The following NKAIN1 variants were observed in gnomAD, a reference collection of about 807,000 sequenced individuals.
NKAIN1 encodes the protein sodium/potassium transporting ATPase interacting 1, also known as sodium/potassium-transporting ATPase subunit beta-1-interacting protein 1.
A neutral mutation model predicts 31.6 loss-of-function variants in NKAIN1; 13 were observed. That is an observed-to-expected ratio of 0.41 (90% CI 0.27 to 0.65). NKAIN1 has a LOEUF of 0.65. NKAIN1 is among the 30% of genes least tolerant of loss of function. The probability of loss-of-function intolerance (pLI) is 0.30; values close to 1 mark genes in which losing one functional copy is unlikely to be tolerated. For missense variants in NKAIN1, 193 were observed against 262.2 expected, an observed-to-expected ratio of 0.74 and a Z score of 1.82; for synonymous variants, 104 against 109.0, an observed-to-expected ratio of 0.95 and a Z score of 0.28.
At chr1:31,235,109 T>C (rs1411487936) in intron 1 of NKAIN1, among the ~76,000 whole-genome samples, 1 of 152,128 alleles carries the variant, frequency 6.6e-6, no homozygotes, top group African/African-American at 2.4e-5. Context: ...AGGTAATGCA[T>C]ATAAAGTGCT....
At chr1:31,197,428 A>G (rs1202888861) in intron 1 of NKAIN1, among the ~76,000 whole-genome samples, 1 of 151,022 alleles carries the variant, frequency 6.6e-6, no homozygotes, top group East Asian at 1.9e-4. Flanking sequence ...TTGTATTTTT[A>G]GTAGAGATGG....
intron 1 of NKAIN1, among the ~76,000 whole-genome samples, chr1:31,219,187 A>C (rs1241516895): frequency 6.6e-6 from 1 of 152,224 alleles, no homozygotes; most frequent in Non-Finnish European, 1.5e-5. Context: ...GTGAATTTCA[A>C]TTCCTCTGAC....
At chr1:31,187,565 C>T (rs1048285356) in intron 2 of NKAIN1, among the ~76,000 whole-genome samples, 4 of 152,182 alleles carry the variant, frequency 2.6e-5, no homozygotes, top group East Asian at 1.9e-4. Context: ...TGTGTCCTTG[C>T]GCCCACCCCT....
intron 1 of NKAIN1, among the ~76,000 whole-genome samples, chr1:31,227,646 C>A (rs1645617875): frequency 6.6e-6 from 1 of 151,942 alleles, no homozygotes; most frequent in Non-Finnish European, 1.5e-5. Context: ...CAAGGACTTG[C>A]CCAACCAAGG....
chr1:31,186,380 C>T (rs1439371407), intron 2 of NKAIN1, among the ~76,000 whole-genome samples: 3 of 132,270 alleles, frequency 2.3e-5, no homozygotes, highest in Admixed American at 7.7e-5. Context: ...AAAAAAAAGT[C>T]TTAATTCTTT....
intron 1 of NKAIN1, among the ~76,000 whole-genome samples, chr1:31,189,756 C>T (rs752608182): frequency 1.5e-4 from 23 of 152,212 alleles, no homozygotes; most frequent in Non-Finnish European, 2.4e-4. Context: ...TAGGGATAGG[C>T]GCTCACCCCA....
intron 1 of NKAIN1, among the ~76,000 whole-genome samples, chr1:31,208,345 C>T (rs902002877): frequency 1.3e-5 from 2 of 152,002 alleles, no homozygotes; most frequent in Admixed American, 6.6e-5. Flanking sequence ...TTTCTTCCAC[C>T]CCCCGCTTAT....
At chr1:31,227,859 C>G (rs1645619601) in intron 1 of NKAIN1, among the ~76,000 whole-genome samples, 1 of 152,206 alleles carries the variant, frequency 6.6e-6, no homozygotes, top group African/African-American at 2.4e-5. Context: ...CCTGTCCTCC[C>G]TGGTGGCTCC....
chr1:31,195,148 C>T (rs1339417403), intron 1 of NKAIN1, among the ~76,000 whole-genome samples: 1 of 126,994 alleles, frequency 7.9e-6, no homozygotes, highest in Non-Finnish European at 1.6e-5. Flanking sequence ...TTTTGAGTCT[C>T]GCTCTGTTGC....
chr1:31,230,884 T>C, intron 1 of NKAIN1, among the ~76,000 whole-genome samples: 1 of 146,580 alleles, frequency 6.8e-6, no homozygotes, highest in East Asian at 2.0e-4. Context: ...GGTTATTTTT[T>C]TTTTTTTTTT....
At chr1:31,193,360 G>A (rs372875129) in intron 1 of NKAIN1, among the ~76,000 whole-genome samples, 4 of 151,716 alleles carry the variant, frequency 2.6e-5, no homozygotes, top group Non-Finnish European at 4.4e-5. Flanking sequence ...GAGCCACCGC[G>A]CCCGGCAACA....
At chr1:31,199,630 C>T (rs908077600) in intron 1 of NKAIN1, among the ~76,000 whole-genome samples, 1 of 152,138 alleles carries the variant, frequency 6.6e-6, no homozygotes. Flanking sequence ...GCTCCTCCCT[C>T]TCCCCATCTC....
intron 1 of NKAIN1, among the ~76,000 whole-genome samples, chr1:31,236,521 G>A (rs971883126): frequency 1.1e-4 from 16 of 152,104 alleles, no homozygotes; most frequent in Non-Finnish European, 1.0e-4. Flanking sequence ...ACATCCCGGG[G>A]CACATTATGG....
chr1:31,189,737 T>C (rs926744296), intron 1 of NKAIN1, among the ~76,000 whole-genome samples: 2 of 152,026 alleles, frequency 1.3e-5, no homozygotes, highest in Non-Finnish European at 2.9e-5. Flanking sequence ...TCAAAGACAA[T>C]GATGAATTTA....
At position 31,192,553 on chromosome 1, in the gene NKAIN1, G is replaced by A. The variant is rs200527443; in HGVS notation, c.55-4366C>T. ...TCCGATGGTGAGTGCAGATTTAAAT[G>A]AATTTTTTTTTTTTTGAGATGGAGT... On this transcript the variant is annotated intron_variant, in intron 1 of 6. Transcript: ENST00000373736. Among the ~76,000 whole-genome samples the A allele has an allele frequency of 4.2e-3, 630 of 150,564 alleles. 35 individuals carry two copies. The East Asian group carries it at 0.098, about 23-fold the overall frequency.
In NKAIN1 at chr1:31,188,056, G is replaced by A. The variant is rs781349573; in HGVS notation, c.186C>T (p.Leu62=). Residue 62 remains leucine (L), a synonymous_variant, in exon 2 of 7, where the codon CTC becomes CTT. Coordinates refer to ENST00000373736, the MANE Select transcript of NKAIN1 (RefSeq NM_024522.3). ...GGGGCTAGGTGAGCCGTACCAGGAT[G>A]AGGTACCGGGAGCGGTACTGCACGG... is the stretch of plus-strand genomic sequence containing the variant. ...FGTVQYRSRY[L]ILYAAWLVLW... 5.2e-6 allele frequency: 8 copies of A among 1,553,280 alleles called. No homozygotes were observed. The highest frequency in any genetic ancestry group is 1.2e-5 in the South Asian group (1 of 84,092).
intron 1 of NKAIN1, among the ~76,000 whole-genome samples, chr1:31,211,192 A>C (rs1207238787): frequency 6.6e-6 from 1 of 152,272 alleles, no homozygotes; most frequent in African/African-American, 2.4e-5. Flanking sequence ...AAAGGCATCC[A>C]CACTGGAAAA....
At chr1:31,186,734 GAATGACACAGGTC>G (rs1394022371) in intron 2 of NKAIN1, among the ~76,000 whole-genome samples, 1 of 152,148 alleles carries the variant, frequency 6.6e-6, no homozygotes, top group Non-Finnish European at 1.5e-5. Context: ...AATTGTACTT[GAATGACACAGGTC>G]AATGTGCCCC....
rs577198722 is a variant in NKAIN1, at chr1:31,219,617, C to T, written c.54+19877G>A. 2.4e-3 allele frequency among the ~76,000 whole-genome samples: 371 copies of T among 152,360 alleles called. 2 individuals carry two copies. The highest frequency in any genetic ancestry group is 8.6e-3 in the African/African-American group (356 of 41,580). On this transcript the variant is annotated intron_variant, in intron 1 of 6. Transcript: ENST00000373736. Reference sequence around the variant, plus strand: ...GAAGGCCCCCTAATGCTTCCGGTACCGCCCAGGTCCCCTGTAGCGGGGCTG... The same window carrying T: ...GAAGGCCCCCTAATGCTTCCGGTACTGCCCAGGTCCCCTGTAGCGGGGCTG...
Sources: allele counts gnomAD v4.1 joint callset (sites outside exome capture counted in the v4.1 genomes callset), GRCh38; gene constraint gnomAD v4.1.1; transcripts MANE v1.5; gene names NCBI Gene and HGNC (gene_info 2026-07-23, HGNC 2026-07-21).